Variants in KIF7 observed in about 807,000 individuals in gnomAD.
KIF7 encodes kinesin family member 7.
A neutral mutation model predicts 135.7 loss-of-function variants in KIF7; 104 were observed. The ratio of observed to expected loss-of-function variants is 0.77; its 90% confidence interval spans 0.65 to 0.90. The LOEUF (loss-of-function observed/expected upper bound fraction) is 0.90, where lower values mean the gene tolerates loss of function less well. Among genes scored for constraint, KIF7 ranks in the 40% least tolerant of loss-of-function variants. The pLI, the probability that KIF7 is intolerant of heterozygous loss-of-function variation, is 0.00. For synonymous variants in KIF7, 883 were observed against 809.4 expected (o/e 1.09, Z -1.54); for missense variants, 2,005 against 1,839.1 (o/e 1.09, Z -1.65).
downstream of KIF7, chr15:89,624,218 C>T (rs746043101): frequency 6.2e-7 from 1 of 1,614,184 alleles, no homozygotes; most frequent in South Asian, 1.1e-5. Flanking sequence ...GTGACTTCTT[C>T]CCCACCTGTT....
rs1964027357 is a variant in KIF7, at chr15:89,647,059, T to G, written c.1561-2A>C. 1 of 1,579,024 alleles carries G rather than the reference T, an allele frequency of 6.3e-7. No individual in the cohort carries two copies. Among genetic ancestry groups the G allele is most frequent in the Admixed American group, 1.8e-5 (1 of 55,524 alleles). On this transcript the variant is annotated splice_acceptor_variant, in intron 6 of 18. Coordinates refer to ENST00000394412, the MANE Select transcript of KIF7 (RefSeq NM_198525.3). LOFTEE classifies it high-confidence loss of function. ...CTGCTGCTCACGCAGCCGGTCGCTC[T>G]GCAAGACATGGTCCAGGTGCCAAGG...
downstream of KIF7, chr15:89,625,297 G>A (rs1415905402): frequency 5.6e-6 from 9 of 1,614,044 alleles, no homozygotes; most frequent in Middle Eastern, 3.3e-4. Flanking sequence ...ATTTCAAACA[G>A]ATGGGGTTCC....
At chr15:89,641,335 C>T (rs1310089596) in intron 11 of KIF7, among the ~76,000 whole-genome samples, 1 of 152,146 alleles carries the variant, frequency 6.6e-6, no homozygotes, top group African/African-American at 2.4e-5. Flanking sequence ...CTCGGACTGA[C>T]AGCCTCCAGA....
At chr15:89,626,289 C>T (rs755274261), downstream of KIF7, among the ~76,000 whole-genome samples, 6 of 152,222 alleles carry the variant, frequency 3.9e-5, no homozygotes, top group Non-Finnish European at 8.8e-5. Flanking sequence ...CTCGGTCCTC[C>T]TGAAAATGTT....
chr15:89,617,992 TC>T (rs1241928069), intron 2 of KIF7: 7 of 762,486 alleles, frequency 9.2e-6, no homozygotes, highest in Non-Finnish European at 1.6e-5. Flanking sequence ...GTGGCCAGCC[TC>T]CCTCTTGACA....
At chr15:89,619,870 A>G in intron 1 of KIF7, 1 of 1,581,466 alleles carries the variant, frequency 6.3e-7, no homozygotes, top group Non-Finnish European at 8.6e-7. Context: ...CTGCCTTCAC[A>G]AGTCCGTGCT....
intron 11 of KIF7, among the ~76,000 whole-genome samples, chr15:89,638,276 T>C (rs966517175): frequency 8.2e-6 from 1 of 122,464 alleles, no homozygotes; most frequent in African/African-American, 3.0e-5. Context: ...CTATTCAACA[T>C]AGTGTTGGAA....
At chr15:89,650,053 G>C (rs1394382311) in intron 2 of KIF7, 112 bp from the exon 3 acceptor site, 2 of 1,148,858 alleles carry the variant, frequency 1.7e-6, no homozygotes, top group South Asian at 1.3e-5. Flanking sequence ...CTCTAGGATG[G>C]AGAAGGCAGT....
At chr15:89,624,173 C>T, downstream of KIF7, 4 of 1,614,066 alleles carry the variant, frequency 2.5e-6, no homozygotes, top group Non-Finnish European at 3.4e-6. Context: ...AAGGATAAAG[C>T]TATCAAAACT....
chr15:89,637,782 T>G (rs1567061849), intron 11 of KIF7, among the ~76,000 whole-genome samples: 2 of 143,108 alleles, frequency 1.4e-5, no homozygotes, highest in African/African-American at 5.1e-5. Context: ...ACTATTCCAA[T>G]CAATAGAAAA....
intron 17 of KIF7, 37 bp from the exon 18 acceptor site, chr15:89,629,159 T>TGCAGGCGGG (rs755657694): frequency 1.3e-6 from 2 of 1,529,360 alleles, no homozygotes; most frequent in Admixed American, 1.8e-5. Flanking sequence ...TGGTGAGGGC[T>TGCAGGCGGG]GCAGGCGGGG....
Position 89,628,253 on chromosome 15 carries a change from A to G in KIF7, c.*166T>C. 1 of 750,618 alleles carries G rather than the reference A, an allele frequency of 1.3e-6. No individual in the cohort carries two copies. The highest frequency in any genetic ancestry group is 2.1e-6 in the Non-Finnish European group (1 of 470,990). The allele number at this position is 750,618 out of a possible 1,614,324, so 46.5% of individuals were successfully genotyped here. ...ATATTATTTTGTTAAATGAGGGTCCAGTTCTTTTGGGCCATGGCCCAAATT... is the reference window on the plus strand; with the variant it reads ...ATATTATTTTGTTAAATGAGGGTCCGGTTCTTTTGGGCCATGGCCCAAATT... On this transcript the variant is annotated 3_prime_UTR_variant, in exon 19 of 19. Transcript: ENST00000394412.
rs75725945 is a variant in KIF7, at chr15:89,620,938, A to G, written c.181-2743T>C. Among the ~76,000 whole-genome samples the G allele has an allele frequency of 1.9e-3, 291 of 150,178 alleles. 5 individuals are homozygous for G. In the South Asian group the frequency reaches 0.031, roughly 16 times the overall value. On this transcript the variant is annotated intron_variant and NMD_transcript_variant, in intron 1 of 2. Coordinates refer to the KIF7 transcript ENST00000558928. The stretch of plus-strand genomic sequence containing the variant: ...CAGGTTTCACTGTGTTAGCCAGGAT[A>G]GTCTCGATCTCCGACTTAGTGATCT...
Position 89,627,988 on chromosome 15 carries a change from AT to A in KIF7, c.*430del, listed in dbSNP as rs113145397. 7 of 157,556 alleles carry A rather than the reference AT, an allele frequency of 4.4e-5. No individual in the cohort carries two copies. The highest frequency in any genetic ancestry group is 9.7e-5 in the Non-Finnish European group (7 of 72,148). 9.8% of individuals were successfully genotyped at this position (157,556 alleles called of 1,614,324 possible). ...AAACTTCCCATTTGTCCCTTCAAAG[AT>A]TTTTTTTTATTAAATGGTTTTTTAA... On this transcript the variant is annotated 3_prime_UTR_variant, in exon 19 of 19. Transcript: ENST00000394412.
chr15:89,628,399 G>A lies in KIF7; in HGVS notation c.*20C>T. 1.3e-6 allele frequency: 2 copies of A among 1,589,196 alleles called. No homozygotes were observed. Among genetic ancestry groups the A allele is most frequent in the Non-Finnish European group, 1.7e-6 (2 of 1,168,366 alleles). ...AGCAGGCTCGGAGTCTCCCTCCAAG[G>A]CAGGGTCTGCCCCGAGGGCTTACAG... On this transcript the variant is annotated 3_prime_UTR_variant, in exon 19 of 19. Transcript: ENST00000394412.
chr15:89,645,466 C>T lies in KIF7; in HGVS notation c.1923-15G>A, dbSNP rs1274585007. 4 of 1,594,042 alleles carry T rather than the reference C, an allele frequency of 2.5e-6. No individual in the cohort carries two copies. Among genetic ancestry groups the T allele is most frequent in the Non-Finnish European group, 3.4e-6 (4 of 1,166,746 alleles). ...TGATCCTATTTCTGGAGGACAGAAG[C>T]AGGAGGCCATGCTCCTCCCCAGCCC... On this transcript the variant is annotated splice_polypyrimidine_tract_variant and intron_variant, in intron 8 of 18. Transcript: ENST00000394412.
downstream of KIF7, chr15:89,626,896 A>AT (rs888105179): frequency 6.3e-6 from 10 of 1,580,976 alleles, no homozygotes; most frequent in African/African-American, 1.4e-5. Flanking sequence ...ATTTAAGCCA[A>AT]TTTTTTTCAG....
chr15:89,651,247 G>GCC (rs1964118974), intron 2 of KIF7, among the ~76,000 whole-genome samples: 3 of 152,164 alleles, frequency 2.0e-5, no homozygotes, highest in African/African-American at 7.2e-5. Flanking sequence ...CTACAGGCAT[G>GCC]CACCACCACG....
At chr15:89,627,047 A>C, downstream of KIF7, 1 of 1,614,126 alleles carries the variant, frequency 6.2e-7, no homozygotes, top group Non-Finnish European at 8.5e-7. Flanking sequence ...GAACTTATAC[A>C]CGGAAGAAGC....
Sources: allele counts gnomAD v4.1 joint callset (sites outside exome capture counted in the v4.1 genomes callset), GRCh38; gene constraint gnomAD v4.1.1; transcripts MANE v1.5; gene names NCBI Gene and HGNC (gene_info 2026-07-23, HGNC 2026-07-21).